The following SEMA6D variants were observed in gnomAD, a reference collection of about 807,000 sequenced individuals.
The protein encoded by SEMA6D is semaphorin-6D.
A neutral mutation model predicts 106.6 loss-of-function variants in SEMA6D; 35 were observed. That is an observed-to-expected ratio of 0.33 (90% confidence interval 0.25 to 0.44). The LOEUF is 0.44. SEMA6D is among the 20% of genes least tolerant of loss of function. SEMA6D has a pLI of 1.00. For synonymous variants in SEMA6D, 499 were observed against 487.7 expected (o/e 1.02, Z -0.31); for missense variants, 1,185 against 1,345.9 (o/e 0.88, Z 1.87).
At chr15:47,607,112 TAC>T (rs2143714657) in intron 4 of SEMA6D, among the ~76,000 whole-genome samples, 1 of 152,238 alleles carries the variant, frequency 6.6e-6, no homozygotes, top group African/African-American at 2.4e-5. Flanking sequence ...ATCAGATAGA[TAC>T]CTTTTGGTGA....
At chr15:47,511,812 AGCAAGAAGG>A in intron 3 of SEMA6D, among the ~76,000 whole-genome samples, 1 of 152,258 alleles carries the variant, frequency 6.6e-6, no homozygotes, top group African/African-American at 2.4e-5. Context: ...GATCATTGAA[AGCAAGAAGG>A]GCTTTTGGCA....
intron 1 of SEMA6D, among the ~76,000 whole-genome samples, chr15:47,748,160 G>A (rs993219212): frequency 1.3e-5 from 2 of 152,188 alleles, no homozygotes; most frequent in Non-Finnish European, 2.9e-5. Context: ...AGAACCTCTT[G>A]GTTTTGCAGC....
chr15:47,724,386 A>G (rs978772970), intron 1 of SEMA6D, among the ~76,000 whole-genome samples: 3 of 152,248 alleles, frequency 2.0e-5, no homozygotes, highest in Non-Finnish European at 4.4e-5. Context: ...TGTAGGAAAA[A>G]CAAGGTGTAC....
intron 1 of SEMA6D, among the ~76,000 whole-genome samples, chr15:47,193,887 T>G (rs1894145476): frequency 6.6e-6 from 1 of 152,178 alleles, no homozygotes; most frequent in Non-Finnish European, 1.5e-5. Flanking sequence ...ATAGACCTTA[T>G]CTCAATTTGA....
chr15:47,590,573 A>T (rs1202262000), intron 3 of SEMA6D, among the ~76,000 whole-genome samples: 2 of 152,180 alleles, frequency 1.3e-5, no homozygotes, highest in Non-Finnish European at 2.9e-5. Context: ...CAAAAAAAGA[A>T]ACAGGGTCTC....
intron 1 of SEMA6D, among the ~76,000 whole-genome samples, chr15:47,196,928 T>C (rs1034348917): frequency 2.6e-5 from 4 of 152,188 alleles, no homozygotes; most frequent in African/African-American, 9.7e-5. Context: ...CATTAGAATT[T>C]TGAGTAACTG....
intron 1 of SEMA6D, among the ~76,000 whole-genome samples, chr15:47,396,139 C>T (rs952302631): frequency 2.0e-5 from 3 of 152,012 alleles, no homozygotes; most frequent in East Asian, 1.9e-4. Flanking sequence ...AAAACCCGAC[C>T]GTGCTGGCAC....
chr15:47,689,405 A>C (rs1364371344), intron 4 of SEMA6D, among the ~76,000 whole-genome samples: 1 of 152,232 alleles, frequency 6.6e-6, no homozygotes, highest in East Asian at 1.9e-4. Flanking sequence ...AACACATATA[A>C]AATTACACCA....
chr15:47,222,848 G>A (rs1192453597), intron 1 of SEMA6D, among the ~76,000 whole-genome samples: 6 of 152,088 alleles, frequency 3.9e-5, no homozygotes, highest in Admixed American at 2.0e-4. Flanking sequence ...GTATTCTCAG[G>A]TCCTGATACC....
At chr15:47,556,081 A>C (rs1048981660) in intron 3 of SEMA6D, among the ~76,000 whole-genome samples, 7 of 152,128 alleles carry the variant, frequency 4.6e-5, no homozygotes, top group African/African-American at 1.7e-4. Flanking sequence ...CAGAAATAGA[A>C]ATGCTACATT....
At chr15:47,679,209 AT>A (rs1220180362) in intron 4 of SEMA6D, among the ~76,000 whole-genome samples, 1 of 152,208 alleles carries the variant, frequency 6.6e-6, no homozygotes, top group Non-Finnish European at 1.5e-5. Flanking sequence ...AGATTAAAAC[AT>A]TGGATTGAGA....
intron 4 of SEMA6D, among the ~76,000 whole-genome samples, chr15:47,612,304 C>T (rs560681131): frequency 1.3e-5 from 2 of 152,266 alleles, no homozygotes; most frequent in Non-Finnish European, 2.9e-5. Context: ...ACAGAACTTT[C>T]TACTGAGAAA....
intron 1 of SEMA6D, among the ~76,000 whole-genome samples, chr15:47,279,803 G>C (rs1423503598): frequency 2.6e-5 from 4 of 150,960 alleles, no homozygotes; most frequent in Non-Finnish European, 4.4e-5. Context: ...TTTTGTCTTT[G>C]GTTCTGTTTA....
intron 3 of SEMA6D, among the ~76,000 whole-genome samples, chr15:47,572,628 A>G (rs1377746488): frequency 6.6e-6 from 1 of 152,182 alleles, no homozygotes; most frequent in East Asian, 1.9e-4. Context: ...TTAAGAATCA[A>G]ATCACATGCA....
At chr15:47,542,085 A>C (rs920399340) in intron 3 of SEMA6D, among the ~76,000 whole-genome samples, 2 of 152,208 alleles carry the variant, frequency 1.3e-5, no homozygotes, top group African/African-American at 4.8e-5. Context: ...CCTGAAGACC[A>C]ATCACAGAAC....
chr15:47,283,374 C>G (rs2035218049), intron 1 of SEMA6D, among the ~76,000 whole-genome samples: 1 of 152,140 alleles, frequency 6.6e-6, no homozygotes, highest in South Asian at 2.1e-4. Context: ...AGCTGTTTGG[C>G]ATTGCGAACT....
At chr15:47,373,570 T>A (rs888412425) in intron 1 of SEMA6D, among the ~76,000 whole-genome samples, 4 of 152,200 alleles carry the variant, frequency 2.6e-5, no homozygotes, top group Non-Finnish European at 1.5e-5. Flanking sequence ...AGTGTTCCCC[T>A]ATCCCACTTT....
At chr15:47,721,402 A>C (rs2079414297) in intron 1 of SEMA6D, among the ~76,000 whole-genome samples, 1 of 152,104 alleles carries the variant, frequency 6.6e-6, no homozygotes, top group Non-Finnish European at 1.5e-5. Context: ...GTGAATGGAG[A>C]CTTAGTGTTA....
At chr15:47,748,211 C>T (rs1379998940) in intron 1 of SEMA6D, among the ~76,000 whole-genome samples, 1 of 152,184 alleles carries the variant, frequency 6.6e-6, no homozygotes, top group Non-Finnish European at 1.5e-5. Context: ...GGATATTGTG[C>T]CAACGCTGCA....
Sources: allele counts gnomAD v4.1 joint callset (sites outside exome capture counted in the v4.1 genomes callset), GRCh38; gene constraint gnomAD v4.1.1; transcripts MANE v1.5; gene names NCBI Gene and HGNC (gene_info 2026-07-23, HGNC 2026-07-21).